Variants in SCAPER observed in about 807,000 individuals in gnomAD.
SCAPER encodes the protein S phase cyclin A-associated protein in the endoplasmic reticulum.
A neutral mutation model predicts 182.2 loss-of-function variants in SCAPER; 98 were observed. The observed-to-expected ratio is 0.54, with a 90% confidence interval of 0.46 to 0.64. SCAPER has a LOEUF of 0.64. SCAPER is among the 30% of genes least tolerant of loss of function. SCAPER has a pLI of 0.00. For missense variants in SCAPER, 1,432 were observed against 1,690.0 expected, an observed-to-expected ratio of 0.85 and a Z score of 2.68; for synonymous variants, 605 against 564.6, an observed-to-expected ratio of 1.07 and a Z score of -1.01.
Position 76,865,494 on chromosome 15 carries a change from T to C in SCAPER, c.7-2961A>G, listed in dbSNP as rs899984569. On this transcript the variant is annotated intron_variant, in intron 2 of 31. Coordinates refer to ENST00000563290, the MANE Select transcript of SCAPER (RefSeq NM_020843.4). ...AAAATGGGGATACTGAGTATTAAGATACTTTGAGTTTCGTCATAAAGGAGA... is the reference window on the plus strand; with the variant it reads ...AAAATGGGGATACTGAGTATTAAGACACTTTGAGTTTCGTCATAAAGGAGA... Among the ~76,000 whole-genome samples, 8 of 152,160 alleles carry C rather than the reference T, an allele frequency of 5.3e-5. 1 individual carries two copies. The highest frequency in any genetic ancestry group is 1.9e-4 in the African/African-American group (8 of 41,444).
intron 23 of SCAPER, among the ~76,000 whole-genome samples, chr15:76,555,070 T>G (rs951276693): frequency 3.3e-5 from 5 of 152,158 alleles, no homozygotes; most frequent in African/African-American, 1.2e-4. Flanking sequence ...TGTGAGCCAC[T>G]GCACCCAGCC....
chr15:76,728,480 G>A, intron 17 of SCAPER, 115 bp downstream of exon 17: 1 of 1,363,114 alleles, frequency 7.3e-7, no homozygotes. Context: ...ATCAACCTGG[G>A]GAACATCGCA....
At chr15:76,676,281 G>T (rs1160412494) in intron 20 of SCAPER, among the ~76,000 whole-genome samples, 3 of 152,106 alleles carry the variant, frequency 2.0e-5, no homozygotes, top group Admixed American at 2.0e-4. Context: ...AGCCTGCACT[G>T]GCTGGGATCA....
intron 2 of SCAPER, among the ~76,000 whole-genome samples, chr15:76,882,758 G>A (rs913835382): frequency 1.3e-5 from 2 of 152,126 alleles, no homozygotes; most frequent in African/African-American, 4.8e-5. Flanking sequence ...TCCGCCTCCC[G>A]GGTTCATGCC....
Position 76,712,365 on chromosome 15 carries a change from G to A in SCAPER, c.2166-6381C>T, listed in dbSNP as rs569372011. On this transcript the variant is annotated intron_variant, in intron 17 of 31. Transcript: ENST00000563290. ...GCCTTGTAGTATAGTTTGAAGTCAGGTAGTGTGATGCCTCCAGCTTTGTTC... is the reference window on the plus strand; with the variant it reads ...GCCTTGTAGTATAGTTTGAAGTCAGATAGTGTGATGCCTCCAGCTTTGTTC... 1.1e-3 allele frequency among the ~76,000 whole-genome samples: 169 copies of A among 152,278 alleles called. 2 individuals carry two copies. The highest frequency in any genetic ancestry group is 3.9e-3 in the African/African-American group (160 of 41,536).
At chr15:76,865,520 A>T (rs1004431777) in intron 2 of SCAPER, among the ~76,000 whole-genome samples, 1 of 152,152 alleles carries the variant, frequency 6.6e-6, no homozygotes, top group African/African-American at 2.4e-5. Flanking sequence ...ATAAAGGAGA[A>T]CAAAGAAATA....
At chr15:76,696,081 T>C (rs766852585) in intron 20 of SCAPER, among the ~76,000 whole-genome samples, 9 of 152,168 alleles carry the variant, frequency 5.9e-5, no homozygotes, top group Non-Finnish European at 1.0e-4. Flanking sequence ...GATTATAAAA[T>C]GACAGTGAAT....
At position 76,641,502 on chromosome 15, in the gene SCAPER, GTGTCTATTATTTCTCAATCTGC is replaced by G. The variant is rs2054102467; in HGVS notation, c.2646-19695_2646-19674del. Reference sequence around the variant, plus strand: ...GGACCCAGCTTTCACTATCTTGTATGTGTCTATTATTTCTCAATCTGCTGATCCGCCTGGGAACAAAGAGAGA... The same window carrying G: ...GGACCCAGCTTTCACTATCTTGTATGTGATCCGCCTGGGAACAAAGAGAGA... On this transcript the variant is annotated intron_variant, in intron 21 of 31. Coordinates refer to ENST00000563290, the MANE Select transcript of SCAPER (RefSeq NM_020843.4). 4.6e-5 allele frequency among the ~76,000 whole-genome samples: 7 copies of G among 152,182 alleles called. No homozygotes were observed. In the South Asian group the frequency reaches 1.5e-3, roughly 32 times the overall value.
intron 22 of SCAPER, among the ~76,000 whole-genome samples, chr15:76,576,110 C>T (rs1465566320): frequency 2.0e-5 from 3 of 152,050 alleles, no homozygotes; most frequent in African/African-American, 7.2e-5. Context: ...GCTTGTAATC[C>T]CAGCACTTTG....
intron 24 of SCAPER, among the ~76,000 whole-genome samples, chr15:76,473,396 T>C (rs2050358158): frequency 6.6e-6 from 1 of 152,244 alleles, no homozygotes. Flanking sequence ...ATGCAATTGT[T>C]TAAAGAAACT....
At position 76,898,235 on chromosome 15, in the gene SCAPER, G is replaced by A. The variant is rs577099543; in HGVS notation, c.-60+7064C>T. 1.5e-3 allele frequency among the ~76,000 whole-genome samples: 235 copies of A among 152,240 alleles called. 1 individual carries two copies. The highest frequency in any genetic ancestry group is 4.8e-3 in the African/African-American group (198 of 41,544). The stretch of plus-strand genomic sequence containing the variant: ...CTTCGTACCCACCAAGATGTCTACC[G>A]TCAAAAAGACAAAACAACTGTTGGA... On this transcript the variant is annotated intron_variant, in intron 1 of 31. Coordinates refer to ENST00000563290, the MANE Select transcript of SCAPER (RefSeq NM_020843.4).
rs1254613440 is a variant in SCAPER at position 76,621,663 on chromosome 15, GAATCAAAGAACCTTATTACAGACATA to G, written c.2711+75_2711+100del. On this transcript the variant is annotated intron_variant, in intron 22 of 31. Transcript: ENST00000563290. ...TAAGAGAATGCTGTTCTAGAAATTA[GAATCAAAGAACCTTATTACAGACATA>G]ACATGATGGTTGAGATACACTTTTG... 3.1e-6 allele frequency: 3 copies of G among 958,118 alleles called. No homozygotes were observed. In the African/African-American group the frequency reaches 5.0e-5, roughly 16 times the overall value. 59.4% of individuals were successfully genotyped at this position (958,118 alleles called of 1,614,324 possible). A position where few individuals can be genotyped will look rare whatever the true frequency, so the allele number is the denominator to read the frequency against.
intron 9 of SCAPER, chr15:76,774,378 G>A (rs1044579036): frequency 2.5e-6 from 1 of 392,338 alleles, no homozygotes; most frequent in South Asian, 1.9e-5. Flanking sequence ...CAAATGAACT[G>A]AGTAATTCCA....
At chr15:76,375,104 A>C (rs1240952524) in intron 29 of SCAPER, among the ~76,000 whole-genome samples, 1 of 150,192 alleles carries the variant, frequency 6.7e-6, no homozygotes, top group African/African-American at 2.5e-5. Context: ...GGTAGACCCA[A>C]CTACTCAGGA....
intron 26 of SCAPER, among the ~76,000 whole-genome samples, chr15:76,426,519 T>C (rs1239681698): frequency 1.3e-5 from 2 of 152,218 alleles, no homozygotes. Flanking sequence ...TGTTCCTATT[T>C]GGCCATCTTG....
rs1035794070 is a variant in SCAPER at position 76,486,070 on chromosome 15, G to A, written c.2955-14735C>T. Among the ~76,000 whole-genome samples the A allele has an allele frequency of 1.3e-4, 20 of 152,220 alleles. No individual in the cohort carries two copies. In the Middle Eastern group the frequency reaches 0.021, roughly 156 times the overall value. On this transcript the variant is annotated intron_variant, in intron 24 of 31. Coordinates refer to ENST00000563290, the MANE Select transcript of SCAPER (RefSeq NM_020843.4). ...AAAATACAAAAAATTAGCTGGGCAT[G>A]GTGGTGAGCACCTGTAGTTCCAGCT...
chr15:76,716,781 G>A (rs2059908755), intron 17 of SCAPER, among the ~76,000 whole-genome samples: 1 of 151,872 alleles, frequency 6.6e-6, no homozygotes, highest in East Asian at 1.9e-4. Flanking sequence ...GAGCCTATGG[G>A]ACACCACTAA....
At chr15:76,750,432 A>G (rs184972496) in intron 15 of SCAPER, among the ~76,000 whole-genome samples, 22 of 152,050 alleles carry the variant, frequency 1.4e-4, no homozygotes, top group African/African-American at 5.3e-4. Context: ...AACTCATTCT[A>G]TCGGGCCAGC....
chr15:76,548,578 G>C lies in SCAPER; in HGVS notation c.2838+25580C>G, dbSNP rs549111166. ...AACACTGCATCTGTAAGCGCCACTG[G>C]TGAGTATTCTCAAGGCAAATGGGAA... On this transcript the variant is annotated intron_variant, in intron 23 of 31. Coordinates refer to ENST00000563290, the MANE Select transcript of SCAPER (RefSeq NM_020843.4). 4.6e-5 allele frequency among the ~76,000 whole-genome samples: 7 copies of C among 152,298 alleles called. No individual in the cohort carries two copies. The South Asian group carries it at 1.5e-3, about 32-fold the overall frequency.
Sources: allele counts gnomAD v4.1 joint callset (sites outside exome capture counted in the v4.1 genomes callset), GRCh38; gene constraint gnomAD v4.1.1; transcripts MANE v1.5; gene names NCBI Gene and HGNC (gene_info 2026-07-23, HGNC 2026-07-21).